EYS: variants seen among roughly 807,000 people sequenced by gnomAD.
EYS encodes the protein EGF-like photoreceptor maintenance factor.
In EYS, 250 loss-of-function variants were observed where a neutral mutation model predicts 282.1. That is an observed-to-expected ratio of 0.89 (90% confidence interval 0.80 to 0.98). EYS has a LOEUF of 0.98. EYS is among the 50% of genes least tolerant of loss of function. The pLI is 0.00. For synonymous variants in EYS, 1,355 were observed against 1,282.9 expected, an observed-to-expected ratio of 1.06 and a Z score of -1.20; for missense variants, 4,016 against 3,709.0, an observed-to-expected ratio of 1.08 and a Z score of -2.15.
chr6:64,571,819 C>G (rs1302714470), intron 26 of EYS, among the ~76,000 whole-genome samples: 2 of 152,080 alleles, frequency 1.3e-5, no homozygotes, highest in Non-Finnish European at 2.9e-5. Flanking sequence ...AGGATCAGAT[C>G]GATTCACAGG....
chr6:65,653,832 G>T (rs548368607), intron 1 of EYS, among the ~76,000 whole-genome samples: 9 of 151,972 alleles, frequency 5.9e-5, no homozygotes, highest in Admixed American at 2.0e-4. Context: ...CATTGGCAAA[G>T]TCCAAGTGTC....
chr6:64,160,493 C>A (rs1234213687), intron 31 of EYS, among the ~76,000 whole-genome samples: 1 of 152,122 alleles, frequency 6.6e-6, no homozygotes, highest in Non-Finnish European at 1.5e-5. Context: ...AGTCTTTGTG[C>A]ATAAATCTAG....
chr6:64,947,117 G>A (rs966296903), intron 14 of EYS, among the ~76,000 whole-genome samples: 6 of 151,776 alleles, frequency 4.0e-5, no homozygotes, highest in African/African-American at 1.2e-4. Context: ...TCAACATCCT[G>A]TACAGATCTA....
At chr6:64,714,475 G>C (rs1167830556) in intron 22 of EYS, among the ~76,000 whole-genome samples, 2 of 150,174 alleles carry the variant, frequency 1.3e-5, no homozygotes, top group African/African-American at 2.5e-5. Context: ...TGTAATATTA[G>C]TAAAGCCATT....
At chr6:64,795,257 A>T (rs1380890239) in intron 22 of EYS, among the ~76,000 whole-genome samples, 2 of 151,824 alleles carry the variant, frequency 1.3e-5, no homozygotes, top group Non-Finnish European at 2.9e-5. Context: ...AAAGAAGTAG[A>T]CATTGCCTTT....
At chr6:65,606,264 C>T (rs911545108) in intron 2 of EYS, among the ~76,000 whole-genome samples, 1 of 151,616 alleles carries the variant, frequency 6.6e-6, no homozygotes, top group Non-Finnish European at 1.5e-5. Context: ...TCTATACACA[C>T]AAATGTGAAA....
chr6:65,645,883 A>C (rs1262950561), intron 1 of EYS, among the ~76,000 whole-genome samples: 1 of 152,130 alleles, frequency 6.6e-6, no homozygotes, highest in Non-Finnish European at 1.5e-5. Context: ...AGATTATTCA[A>C]GTCTACTACG....
At chr6:63,883,180 G>A (rs1408639863) in intron 35 of EYS, among the ~76,000 whole-genome samples, 1 of 152,190 alleles carries the variant, frequency 6.6e-6, no homozygotes, top group African/African-American at 2.4e-5. Context: ...AGCCGAAGTT[G>A]GAACTTTCTT....
intron 12 of EYS, among the ~76,000 whole-genome samples, chr6:65,108,365 T>A (rs1168322624): frequency 6.6e-6 from 1 of 152,156 alleles, no homozygotes; most frequent in Non-Finnish European, 1.5e-5. Context: ...TGGCTTGATC[T>A]TGGCTCACTG....
chr6:64,574,759 T>C (rs1304871053), intron 26 of EYS, among the ~76,000 whole-genome samples: 1 of 152,220 alleles, frequency 6.6e-6, no homozygotes, highest in Non-Finnish European at 1.5e-5. Flanking sequence ...AGTACATTTC[T>C]TCAGCCAGTT....
At chr6:64,986,351 C>T (rs1770857526) in intron 14 of EYS, among the ~76,000 whole-genome samples, 1 of 151,296 alleles carries the variant, frequency 6.6e-6, no homozygotes, top group South Asian at 2.1e-4. Flanking sequence ...ATACAAATTC[C>T]TATGTCAATT....
At chr6:63,992,022 CAT>C (rs1375892724) in intron 34 of EYS, among the ~76,000 whole-genome samples, 1 of 151,750 alleles carries the variant, frequency 6.6e-6, no homozygotes, top group East Asian at 1.9e-4. Flanking sequence ...ATGAAGAAGA[CAT>C]AAAGACTTTC....
chr6:64,000,693 T>C (rs1768055522), intron 33 of EYS, among the ~76,000 whole-genome samples: 1 of 152,194 alleles, frequency 6.6e-6, no homozygotes, highest in African/African-American at 2.4e-5. Flanking sequence ...CTCTTTCCCT[T>C]ACCCCTCTTA....
At position 65,494,829 on chromosome 6, in the gene EYS, C is replaced by A; in HGVS notation, c.582G>T (p.Trp194Cys). The A allele has an allele frequency of 6.2e-7, 1 of 1,613,998 alleles. No individual in the cohort carries two copies. Among genetic ancestry groups the A allele is most frequent in the Non-Finnish European group, 8.5e-7 (1 of 1,180,010 alleles). ...SGHGKCLSEA[W>C]SKTYSCHCQP... is the part of the protein sequence containing the mutation. ...GGCAATGGCAGCTATATGTCTTGCT[C>A]CAAGCTTCACTAAGACATTTACCAT... is the stretch of plus-strand genomic sequence containing the variant. The change falls in exon 4 of 43, where the codon TGG (tryptophan) becomes TGT (cysteine). Residue 194 changes from tryptophan (W) to cysteine (C), a missense_variant. Transcript: ENST00000503581.
intron 14 of EYS, among the ~76,000 whole-genome samples, chr6:64,983,676 T>C (rs1454057682): frequency 6.6e-6 from 1 of 151,448 alleles, no homozygotes; most frequent in Non-Finnish European, 1.5e-5. Context: ...ATGAAGTGGA[T>C]ATGCTGATTT....
chr6:64,221,637 G>A (rs1766107125), intron 31 of EYS, among the ~76,000 whole-genome samples: 1 of 151,872 alleles, frequency 6.6e-6, no homozygotes, highest in African/African-American at 2.4e-5. Flanking sequence ...TTACTCCATG[G>A]GCAAATGCCA....
At chr6:65,503,897 C>T (rs1219014958) in intron 2 of EYS, among the ~76,000 whole-genome samples, 1 of 151,606 alleles carries the variant, frequency 6.6e-6, no homozygotes, top group Non-Finnish European at 1.5e-5. Context: ...AGAGTGTATT[C>T]TCCAACCTTA....
Position 63,946,380 on chromosome 6 carries a change from TAG to T in EYS, c.7055+38001_7055+38002del, listed in dbSNP as rs1294970283. On this transcript the variant is annotated intron_variant, in intron 35 of 42. Transcript: ENST00000503581. Reference sequence around the variant, plus strand: ...AATATTGAAGAAAAATAGTTCTTTATAGAGTTTTATTTCTGTTAAGTATTAAG... The same window carrying T: ...AATATTGAAGAAAAATAGTTCTTTATAGTTTTATTTCTGTTAAGTATTAAG... Among the ~76,000 whole-genome samples the T allele has an allele frequency of 2.0e-5, 3 of 152,340 alleles. No homozygotes were observed. In the East Asian group the frequency reaches 5.8e-4, roughly 29 times the overall value.
intron 26 of EYS, among the ~76,000 whole-genome samples, chr6:64,495,529 A>G (rs1239732047): frequency 1.3e-5 from 2 of 151,806 alleles, no homozygotes; most frequent in Non-Finnish European, 2.9e-5. Flanking sequence ...GACCAATAGA[A>G]AAAAACTTAA....
Sources: gnomAD v4.1 joint callset for allele counts (sites outside exome capture counted in the v4.1 genomes callset) on GRCh38, gnomAD v4.1.1 for gene constraint, MANE v1.5 for transcripts, NCBI Gene and HGNC (gene_info 2026-07-23, HGNC 2026-07-21) for gene names.